ZFP64: variants seen among roughly 807,000 people sequenced by gnomAD.
The protein encoded by ZFP64 is zinc finger protein 64.
A neutral mutation model predicts 51.6 loss-of-function variants in ZFP64; 14 were observed. The observed-to-expected ratio is 0.27, with a 90% confidence interval of 0.18 to 0.42. ZFP64 has a LOEUF of 0.42. ZFP64 is among the 10% of genes least tolerant of loss of function. ZFP64 has a pLI of 1.00. For missense variants in ZFP64, 754 were observed against 906.8 expected (o/e 0.83, Z 2.16); for synonymous variants, 375 against 361.4 (o/e 1.04, Z -0.43).
intron 7 of ZFP64, chr20:52,096,953 A>T (rs1056175438): frequency 2.2e-6 from 1 of 463,900 alleles, no homozygotes; most frequent in African/African-American, 2.0e-5. Flanking sequence ...CCCTGTAACA[A>T]CTACCTCTTG....
intron 5 of ZFP64, among the ~76,000 whole-genome samples, chr20:52,103,013 G>A (rs1483365267): frequency 1.3e-5 from 2 of 152,134 alleles, no homozygotes; most frequent in African/African-American, 4.8e-5. Flanking sequence ...AGCCTCTGAT[G>A]GGGAGGTGTG....
chr20:52,174,621 A>G (rs1476497040), intron 2 of ZFP64, among the ~76,000 whole-genome samples: 1 of 152,192 alleles, frequency 6.6e-6, no homozygotes, highest in Non-Finnish European at 1.5e-5. Flanking sequence ...TCGAAAACAC[A>G]ACCTCTAATG....
In ZFP64 at chr20:52,152,923, C is replaced by G. The variant is rs746754528; in HGVS notation, c.1269G>C (p.Lys423Asn). ...CATCGCATATATCGCAGTGGAAACT[C>G]TTCTTGGCATCCAGCTTGGCCACCT... ...SRQVAKLDAK[K>N]SFHCDICDAS... Residue 423 changes from lysine to asparagine, a missense_variant, in exon 6 of 6, where the codon AAG becomes AAC. Coordinates refer to ENST00000216923, the MANE Select transcript of ZFP64 (RefSeq NM_018197.3). 17 of 1,613,722 alleles carry G rather than the reference C, an allele frequency of 1.1e-5. No individual in the cohort carries two copies. Among genetic ancestry groups the G allele is most frequent in the Non-Finnish European group, 1.4e-5 (16 of 1,180,034 alleles).
chr20:52,091,809 G>A (rs1455539743), intron 7 of ZFP64, among the ~76,000 whole-genome samples: 1 of 126,820 alleles, frequency 7.9e-6, no homozygotes, highest in Non-Finnish European at 1.8e-5. Context: ...CCAACATGGA[G>A]AAACCCCGTC....
At chr20:52,106,948 A>C (rs1600713645) in intron 5 of ZFP64, among the ~76,000 whole-genome samples, 1 of 152,296 alleles carries the variant, frequency 6.6e-6, no homozygotes, top group East Asian at 1.9e-4. Flanking sequence ...AATACAAAAA[A>C]TTAGCCGGGC....
At chr20:52,169,488 C>T (rs529271138) in intron 2 of ZFP64, among the ~76,000 whole-genome samples, 157 of 152,276 alleles carry the variant, frequency 1.0e-3, no homozygotes, top group African/African-American at 3.7e-3. Context: ...GTCCTCCCTA[C>T]AAGTCAGCTC....
chr20:52,141,727 C>T (rs1446728788), intron 5 of ZFP64, among the ~76,000 whole-genome samples: 1 of 152,124 alleles, frequency 6.6e-6, no homozygotes, highest in African/African-American at 2.4e-5. Flanking sequence ...GTGAAAATGA[C>T]AACAAACAAC....
rs1476783264 is a variant in ZFP64, at chr20:52,164,733, C to A, written c.473G>T (p.Gly158Val). Residue 158 changes from glycine (G) to valine (V), a missense_variant, in exon 4 of 6, where the codon GGC (glycine) becomes GTC (valine). Around this residue, in one of 3 missense-constraint regions of ZFP64, gnomAD observed 231 missense variants for 336.7 expected, o/e 0.69. Transcript: ENST00000216923. ...TAAATGCCGCTCCATGTCCTTCATG[C>A]CATAAGCAGTCTTGAATTGGCAACC... ...YPGCQFKTAY[G>V]MKDMERHLKI... The A allele has an allele frequency of 6.2e-7, 1 of 1,612,366 alleles. No individual in the cohort carries two copies. The highest frequency in any genetic ancestry group is 1.1e-5 in the South Asian group (1 of 91,008).
chr20:52,084,321 G>C, exon 9 of ZFP64: 2 of 531,274 alleles, frequency 3.8e-6, no homozygotes, highest in Non-Finnish European at 6.7e-6. Flanking sequence ...TGAACAAGTC[G>C]ACTTGCTCAG....
chr20:52,084,492 C>T, exon 9 of ZFP64: 1 of 1,497,378 alleles, frequency 6.7e-7, no homozygotes, highest in South Asian at 1.3e-5. Context: ...GTGGCCTCAC[C>T]TCTGGAGGGC....
Position 52,165,806 on chromosome 20 carries a change from C to T in ZFP64, c.448+58G>A, listed in dbSNP as rs1345916601. 9 of 1,609,800 alleles carry T rather than the reference C, an allele frequency of 5.6e-6. No homozygotes were observed. The African/African-American group carries it at 9.4e-5, about 17-fold the overall frequency. On this transcript the variant is annotated intron_variant, in intron 3 of 5. Coordinates refer to ENST00000216923, the MANE Select transcript of ZFP64 (RefSeq NM_018197.3). ...TGTCAGGAACTCATGAGGAGGAGCCCTGGAGCCTGGTTAAATATCACACCC... is the reference window on the plus strand; with the variant it reads ...TGTCAGGAACTCATGAGGAGGAGCCTTGGAGCCTGGTTAAATATCACACCC...
intron 5 of ZFP64, among the ~76,000 whole-genome samples, chr20:52,132,724 C>CCA (rs1333005457): frequency 6.6e-6 from 1 of 151,996 alleles, no homozygotes; most frequent in Non-Finnish European, 1.5e-5. Context: ...AAAACGTTTC[C>CCA]CAGTAAAGAA....
chr20:52,172,263 C>A (rs1982814819), intron 2 of ZFP64, among the ~76,000 whole-genome samples: 1 of 151,694 alleles, frequency 6.6e-6, no homozygotes, highest in South Asian at 2.1e-4. Flanking sequence ...CCTGGGCCAA[C>A]CTCTGTCTCC....
At chr20:52,105,121 G>T in intron 5 of ZFP64, 1 of 1,410,954 alleles carries the variant, frequency 7.1e-7, no homozygotes, top group East Asian at 2.8e-5. Flanking sequence ...GGCTCCAGCG[G>T]CGCTACTCAC....
chr20:52,086,433 T>C (rs927310481), intron 8 of ZFP64, among the ~76,000 whole-genome samples: 23 of 152,108 alleles, frequency 1.5e-4, no homozygotes, highest in African/African-American at 5.6e-4. Context: ...GGAATCTCAA[T>C]TTCAGAAGTC....
intron 5 of ZFP64, among the ~76,000 whole-genome samples, chr20:52,111,648 G>A (rs1978592076): frequency 6.6e-6 from 1 of 152,016 alleles, no homozygotes; most frequent in Non-Finnish European, 1.5e-5. Context: ...TAAGTATTTT[G>A]CCAAGAGATA....
intron 5 of ZFP64, among the ~76,000 whole-genome samples, chr20:52,106,086 C>A (rs976108476): frequency 1.3e-5 from 2 of 152,200 alleles, no homozygotes; most frequent in African/African-American, 4.8e-5. Flanking sequence ...CGCCCGCTCC[C>A]GCCCCGTGAC....
At chr20:52,103,240 T>A (rs1328772766) in intron 5 of ZFP64, among the ~76,000 whole-genome samples, 2 of 152,328 alleles carry the variant, frequency 1.3e-5, no homozygotes, top group East Asian at 3.9e-4. Context: ...AGCCCCTTCG[T>A]CATTTTACTG....
chr20:52,135,952 A>G (rs1979950801), intron 5 of ZFP64, among the ~76,000 whole-genome samples: 1 of 151,956 alleles, frequency 6.6e-6, no homozygotes, highest in Admixed American at 6.5e-5. Flanking sequence ...TACAAAAATT[A>G]GCTGGGCATA....
Sources: gnomAD v4.1 joint callset for allele counts (sites outside exome capture counted in the v4.1 genomes callset) on GRCh38, gnomAD v4.1.1 for gene constraint, gnomAD v4.1.1 regional missense constraint, MANE v1.5 for transcripts, NCBI Gene and HGNC (gene_info 2026-07-23, HGNC 2026-07-21) for gene names.